Variants in TRIB2 observed in about 807,000 individuals in gnomAD.
TRIB2 encodes tribbles pseudokinase 2.
TRIB2 carries 2 observed loss-of-function variants against 26.8 expected under a neutral mutation model. That is an observed-to-expected ratio of 0.07 (90% CI 0.03 to 0.24). The LOEUF (loss-of-function observed/expected upper bound fraction) is 0.24, where lower values mean the gene tolerates loss of function less well. TRIB2 is among the 10% of genes least tolerant of loss of function. TRIB2 has a pLI of 1.00. For missense variants in TRIB2, 306 were observed against 449.0 expected, an observed-to-expected ratio of 0.68 and a Z score of 2.88; for synonymous variants, 189 against 187.3, an observed-to-expected ratio of 1.01 and a Z score of -0.08.
chr2:12,742,384 G>A lies in TRIB2; in HGVS notation c.*1590G>A, dbSNP rs1430371103. On this transcript the variant is annotated 3_prime_UTR_variant, in exon 3 of 3. Coordinates refer to ENST00000155926, the MANE Select transcript of TRIB2 (RefSeq NM_021643.4). ...GTGTGGCATGTATGTGCAGACTCTTGGATGCTTTATGCCTGCGCAGCAGGA... is the reference window on the plus strand; with the variant it reads ...GTGTGGCATGTATGTGCAGACTCTTAGATGCTTTATGCCTGCGCAGCAGGA... 1 of 152,608 alleles carries A rather than the reference G, an allele frequency of 6.6e-6. No individual in the cohort carries two copies. The highest frequency in any genetic ancestry group is 1.5e-5 in the Non-Finnish European group (1 of 68,024). 9.5% of individuals were successfully genotyped at this position (152,608 alleles called of 1,614,324 possible). A position where few individuals can be genotyped will look rare whatever the true frequency, so the allele number is the denominator to read the frequency against.
At position 12,718,748 on chromosome 2, in the gene TRIB2, C is replaced by A. The variant is rs1036338846; in HGVS notation, c.270+171C>A. On this transcript the variant is annotated intron_variant, in intron 1 of 2. Transcript: ENST00000155926. This position sits in a 1 kb window ranked among gnomAD's most constrained non-coding sequence, Gnocchi z 4.0. Reference sequence around the variant, plus strand: ...TCGGTAAGTTGCGAAGTTTTTAGACCGTTTCAGACAATGGGGCGGGCGGCA... The same window carrying A: ...TCGGTAAGTTGCGAAGTTTTTAGACAGTTTCAGACAATGGGGCGGGCGGCA... Among the ~76,000 whole-genome samples, 1 of 151,976 alleles carries A rather than the reference C, an allele frequency of 6.6e-6. No individual in the cohort carries two copies. Among genetic ancestry groups the A allele is most frequent in the Non-Finnish European group, 1.5e-5 (1 of 67,988 alleles).
Position 12,718,713 on chromosome 2 carries a change from T to C in TRIB2, c.270+136T>C, listed in dbSNP as rs1666656241. On this transcript the variant is annotated intron_variant, in intron 1 of 2. Coordinates refer to ENST00000155926, the MANE Select transcript of TRIB2 (RefSeq NM_021643.4). This position sits in a 1 kb window ranked among gnomAD's most constrained non-coding sequence, Gnocchi z 4.0. Reference sequence around the variant, plus strand: ...TTATTAAATGGGTTTATTTATTTATTTGCTCAGGTTCGGTAAGTTGCGAAG... The same window carrying C: ...TTATTAAATGGGTTTATTTATTTATCTGCTCAGGTTCGGTAAGTTGCGAAG... 4.0e-6 allele frequency: 5 copies of C among 1,260,172 alleles called. No homozygotes were observed. In the South Asian group the frequency reaches 7.9e-5, roughly 20 times the overall value. 78.1% of individuals were successfully genotyped at this position (1,260,172 alleles called of 1,614,324 possible). A position where few individuals can be genotyped will look rare whatever the true frequency, so the allele number is the denominator to read the frequency against.
rs1666634822 is a variant in TRIB2 at position 12,717,961 on chromosome 2, C to T, written c.-347C>T. 3.6e-6 allele frequency: 1 copy of T among 277,846 alleles called. No homozygotes were observed. Among genetic ancestry groups the T allele is most frequent in the East Asian group, 6.7e-5 (1 of 14,866 alleles). 17.2% of individuals were successfully genotyped at this position (277,846 alleles called of 1,614,324 possible). A position where few individuals can be genotyped will look rare whatever the true frequency, so the allele number is the denominator to read the frequency against. On this transcript the variant is annotated 5_prime_UTR_variant, in exon 1 of 3. Transcript: ENST00000155926. The surrounding 1 kb of genome is among the most constrained non-coding windows in gnomAD (Gnocchi z 4.8). The stretch of plus-strand genomic sequence containing the variant: ...CGTCGGGAGCCCTGGCGCTGCAGCT[C>T]CGCACCTTAGCAGCCCGGGTACTCA...
rs1329519359 is a variant in TRIB2, at chr2:12,717,855, G to A, written c.-453G>A. On this transcript the variant is annotated 5_prime_UTR_variant, in exon 1 of 3. Transcript: ENST00000155926. This position sits in a 1 kb window ranked among gnomAD's most constrained non-coding sequence, Gnocchi z 4.8. ...TCTAACGCGTTGGGACTGAGTCGCC[G>A]CCGTGAGCTCCCCGAAGACTGCACA... 8.8e-6 allele frequency: 2 copies of A among 226,232 alleles called. No individual in the cohort carries two copies. The highest frequency in any genetic ancestry group is 1.1e-4 in the Admixed American group (2 of 18,210). The allele number at this position is 226,232 out of a possible 1,614,324, so 14.0% of individuals were successfully genotyped here. A position where few individuals can be genotyped will look rare whatever the true frequency, so the allele number is the denominator to read the frequency against.
intron 2 of TRIB2, among the ~76,000 whole-genome samples, chr2:12,738,626 G>A (rs993564397): frequency 1.3e-5 from 2 of 152,138 alleles, no homozygotes; most frequent in African/African-American, 4.8e-5. Flanking sequence ...TTTTGAGCAC[G>A]GGAAGGTAGC....
At chr2:12,723,196 A>T in intron 1 of TRIB2, 64 bp from the exon 2 acceptor site, 2 of 1,536,680 alleles carry the variant, frequency 1.3e-6, no homozygotes, top group African/African-American at 1.4e-5. Flanking sequence ...GAGGTGCAGC[A>T]TTATGTGTTT....
chr2:12,740,448 G>A lies in TRIB2; in HGVS notation c.686G>A (p.Ser229Asn), dbSNP rs201044612. 1 of 1,614,162 alleles carries A rather than the reference G, an allele frequency of 6.2e-7. No individual in the cohort carries two copies. The highest frequency in any genetic ancestry group is 1.7e-5 in the Admixed American group (1 of 60,022). Residue 229 changes from serine to asparagine, a missense_variant, in exon 3 of 3, where the codon AGC becomes AAC. Coordinates refer to ENST00000155926, the MANE Select transcript of TRIB2 (RefSeq NM_021643.4). The surrounding 1 kb of genome is among the most constrained non-coding windows in gnomAD (Gnocchi z 5.8). ...CCAGAGATCTTGAACACCAGTGGCA[G>A]CTACTCGGGCAAAGCAGCCGACGTG... Reference protein sequence around the residue: ...VSPEILNTSGSYSGKAADVWS... With the variant: ...VSPEILNTSGNYSGKAADVWS...
chr2:12,739,383 C>T (rs983683225), intron 2 of TRIB2, among the ~76,000 whole-genome samples: 2 of 152,228 alleles, frequency 1.3e-5, no homozygotes, highest in Non-Finnish European at 2.9e-5. Context: ...CCTCGGCCTC[C>T]TGAGCATCTG....
intron 2 of TRIB2, among the ~76,000 whole-genome samples, chr2:12,726,187 T>A (rs963678228): frequency 1.3e-5 from 2 of 152,262 alleles, no homozygotes; most frequent in Non-Finnish European, 1.5e-5. Flanking sequence ...AGTAGCTGAT[T>A]GATAAAGAGC....
chr2:12,717,043 A>C lies in TRIB2; in HGVS notation c.-1265A>C. On this transcript the variant is annotated 5_prime_UTR_variant, in exon 1 of 3. It removes an upstream start codon present in the reference 5' UTR. Coordinates refer to ENST00000155926, the MANE Select transcript of TRIB2 (RefSeq NM_021643.4). This position sits in a 1 kb window ranked among gnomAD's most constrained non-coding sequence, Gnocchi z 4.8. ...ACTATTAATACCGCCTCGCCGGGGGATGCGGGCGTGCTGAGCGCGGGGATT... is the reference window on the plus strand; with the variant it reads ...ACTATTAATACCGCCTCGCCGGGGGCTGCGGGCGTGCTGAGCGCGGGGATT... 1 of 212,206 alleles carries C rather than the reference A, an allele frequency of 4.7e-6. No homozygotes were observed. The highest frequency in any genetic ancestry group is 9.2e-6 in the Non-Finnish European group (1 of 108,626). 13.1% of individuals were successfully genotyped at this position (212,206 alleles called of 1,614,324 possible). A position where few individuals can be genotyped will look rare whatever the true frequency, so the allele number is the denominator to read the frequency against.
intron 2 of TRIB2, chr2:12,724,837 A>G: frequency 6.2e-7 from 1 of 1,610,608 alleles, no homozygotes; most frequent in East Asian, 2.2e-5. Context: ...ATTCTCATTT[A>G]GAAGATGAAT....
At chr2:12,733,533 A>G (rs1661501124) in intron 2 of TRIB2, among the ~76,000 whole-genome samples, 1 of 152,156 alleles carries the variant, frequency 6.6e-6, no homozygotes, top group South Asian at 2.1e-4. Context: ...GCTTCCTTAT[A>G]TATTAGGTAG....
rs1459680152 is a variant in TRIB2, at chr2:12,740,885, G to C, written c.*91G>C. On this transcript the variant is annotated 3_prime_UTR_variant, in exon 3 of 3. Coordinates refer to ENST00000155926, the MANE Select transcript of TRIB2 (RefSeq NM_021643.4). This position sits in a 1 kb window ranked among gnomAD's most constrained non-coding sequence, Gnocchi z 5.8. The stretch of plus-strand genomic sequence containing the variant: ...CGGGGGACACGAATTGCCTGGCTGA[G>C]TAGCAAGAAAGACACACTCTTAAGT... The C allele has an allele frequency of 8.1e-7, 1 of 1,232,496 alleles. No homozygotes were observed. The highest frequency in any genetic ancestry group is 1.1e-6 in the Non-Finnish European group (1 of 880,726). 76.3% of individuals were successfully genotyped at this position (1,232,496 alleles called of 1,614,324 possible).
In TRIB2 at chr2:12,718,466, C is replaced by T; in HGVS notation, c.159C>T (p.Asn53=). 1 of 1,614,250 alleles carries T rather than the reference C, an allele frequency of 6.2e-7. No individual in the cohort carries two copies. Among genetic ancestry groups the T allele is most frequent in the Non-Finnish European group, 8.5e-7 (1 of 1,180,046 alleles). The change falls in exon 1 of 3, where the codon AAC becomes AAT. Residue 53 remains asparagine (N), a synonymous_variant. Transcript: ENST00000155926. The surrounding 1 kb of genome is among the most constrained non-coding windows in gnomAD (Gnocchi z 4.0). ...CCCCGAGCCCGCCCGAGACTCCGAA[C>T]TTGTCGCATTGCGTTTCTTGTATCG... is the stretch of plus-strand genomic sequence containing the variant. ...LGSPSPPETP[N]LSHCVSCIGK...
At chr2:12,739,746 C>G (rs146823313) in intron 2 of TRIB2, among the ~76,000 whole-genome samples, 2 of 152,280 alleles carry the variant, frequency 1.3e-5, no homozygotes, top group Non-Finnish European at 2.9e-5. Context: ...GGGGAAGTTA[C>G]CCGAACTCTC....
intron 2 of TRIB2, among the ~76,000 whole-genome samples, chr2:12,729,496 AAG>A (rs1295573752): frequency 6.6e-6 from 1 of 152,220 alleles, no homozygotes; most frequent in Non-Finnish European, 1.5e-5. Context: ...CACCTTTTCA[AAG>A]AGAGCTATTT....
Position 12,718,452 on chromosome 2 carries a change from C to A in TRIB2, c.145C>A (p.Pro49Thr). 6.2e-7 allele frequency: 1 copy of A among 1,614,264 alleles called. No individual in the cohort carries two copies. Among genetic ancestry groups the A allele is most frequent in the Non-Finnish European group, 8.5e-7 (1 of 1,180,054 alleles). ...CCCGAACCTCGGCTCCCCGAGCCCG[C>A]CCGAGACTCCGAACTTGTCGCATTG... Reference protein sequence around the residue: ...FSPNLGSPSPPETPNLSHCVS... With the variant: ...FSPNLGSPSPTETPNLSHCVS... Residue 49 changes from proline to threonine, a missense_variant, in exon 1 of 3, where the codon CCC becomes ACC. Transcript: ENST00000155926. The surrounding 1 kb of genome is among the most constrained non-coding windows in gnomAD (Gnocchi z 4.0).
At position 12,718,099 on chromosome 2, in the gene TRIB2, C is replaced by A. The variant is rs1666638897; in HGVS notation, c.-209C>A. On this transcript the variant is annotated 5_prime_UTR_variant, in exon 1 of 3. Coordinates refer to ENST00000155926, the MANE Select transcript of TRIB2 (RefSeq NM_021643.4). The surrounding 1 kb of genome is among the most constrained non-coding windows in gnomAD (Gnocchi z 4.0). ...ACCCGAGTTGCCTGCCGACCGAGGA[C>A]CCCCGGGAGCCGGGCTCGGAGCAGA... 1.5e-6 allele frequency: 1 copy of A among 648,286 alleles called. No individual in the cohort carries two copies. Among genetic ancestry groups the A allele is most frequent in the Middle Eastern group, 4.2e-4 (1 of 2,374 alleles). The allele number at this position is 648,286 out of a possible 1,614,324, so 40.2% of individuals were successfully genotyped here. A position where few individuals can be genotyped will look rare whatever the true frequency, so the allele number is the denominator to read the frequency against.
intron 1 of TRIB2, among the ~76,000 whole-genome samples, chr2:12,721,891 A>T (rs1283235820): frequency 6.6e-6 from 1 of 152,230 alleles, no homozygotes; most frequent in Non-Finnish European, 1.5e-5. Flanking sequence ...GGCTTCAGAA[A>T]GCCCGTGAAT....
Sources: gnomAD v4.1 joint callset for allele counts (sites outside exome capture counted in the v4.1 genomes callset) on GRCh38, gnomAD v4.1.1 for gene constraint, Gnocchi (gnomAD v3.1) non-coding constraint, MANE v1.5 for transcripts, NCBI Gene and HGNC (gene_info 2026-07-23, HGNC 2026-07-21) for gene names.